Variants in BOD1L1 observed in about 807,000 individuals in gnomAD.
The protein encoded by BOD1L1 is biorientation of chromosomes in cell division protein 1-like 1.
BOD1L1 carries 86 observed loss-of-function variants against 240.7 expected under a neutral mutation model. That is an observed-to-expected ratio of 0.36 (90% confidence interval 0.30 to 0.43). The LOEUF is 0.43. BOD1L1 is among the 20% of genes least tolerant of loss of function. The pLI, the probability that BOD1L1 is intolerant of heterozygous loss-of-function variation, is 1.00. For missense variants in BOD1L1, 3,554 were observed against 3,643.5 expected (o/e 0.98, Z 0.63); for synonymous variants, 1,268 against 1,272.3 (o/e 1.00, Z 0.07).
Position 13,604,621 on chromosome 4 carries a change from T to A in BOD1L1, c.2279A>T (p.His760Leu). 1 of 1,577,150 alleles carries A rather than the reference T, an allele frequency of 6.3e-7. No individual in the cohort carries two copies. The highest frequency in any genetic ancestry group is 1.7e-4 in the Middle Eastern group (1 of 5,850). Residue 760 changes from histidine to leucine, a missense_variant, in exon 10 of 26, where the codon CAC becomes CTC. Around this residue, in one of 2 missense-constraint regions of BOD1L1, gnomAD observed 3,393 missense variants for 3,427.1 expected, o/e 0.99. Transcript: ENST00000040738. ...TACTTTTAAACCTTTCTCAGAAGAG[T>A]GAAGCTCAGTCTCATCACCTGTTTT... is the stretch of plus-strand genomic sequence containing the variant. ...MHKTGDETEL[H>L]SSEKGLKVEE...
At position 13,590,377 on chromosome 4, in the gene BOD1L1, T is replaced by C; in HGVS notation, c.8209+9A>G. On this transcript the variant is annotated intron_variant, in intron 14 of 25. Transcript: ENST00000040738. ...ATTAAAACTATAACTATGAAATTCA[T>C]TAACTTACCTCCTTTGTTATAAGAT... is the stretch of plus-strand genomic sequence containing the variant. The C allele has an allele frequency of 1.4e-6, 2 of 1,444,102 alleles. No individual in the cohort carries two copies. The highest frequency in any genetic ancestry group is 1.9e-6 in the Non-Finnish European group (2 of 1,053,496). The allele number at this position is 1,444,102 out of a possible 1,614,324, so 89.5% of individuals were successfully genotyped here.
At chr4:13,591,788 A>T (rs1714240022) in intron 13 of BOD1L1, 135 bp downstream of exon 13, 1 of 615,468 alleles carries the variant, frequency 1.6e-6, no homozygotes, top group Non-Finnish European at 2.8e-6. Context: ...TGAAGAGTAC[A>T]CTACCAAATG....
In BOD1L1 at chr4:13,588,774, T is replaced by C. The variant is rs1713936237; in HGVS notation, c.8228A>G (p.Lys2743Arg). The stretch of plus-strand genomic sequence containing the variant: ...ACCGCTTATGGCTTCTGCGTTGTCT[T>C]TTCTACCACTGGATATCTCTGAGTA... ...YNKGEISSGRKDNAEAISGHS... is the reference protein window; with the variant it reads ...YNKGEISSGRRDNAEAISGHS... The change falls in exon 15 of 26, where the codon AAA becomes AGA. Residue 2743 changes from lysine to arginine, a missense_variant. By Grantham distance (26) the Lys-to-Arg change is conservative. Around this residue, in one of 2 missense-constraint regions of BOD1L1, gnomAD observed 3,393 missense variants for 3,427.1 expected, o/e 0.99. Transcript: ENST00000040738. The C allele has an allele frequency of 3.1e-6, 5 of 1,601,888 alleles. No individual in the cohort carries two copies. In the South Asian group the frequency reaches 3.4e-5, roughly 11 times the overall value.
intron 2 of BOD1L1, 52 bp from the exon 3 acceptor site, chr4:13,615,554 A>T: frequency 1.4e-6 from 2 of 1,454,374 alleles, no homozygotes; most frequent in Non-Finnish European, 1.9e-6. Flanking sequence ...TATTATTTGC[A>T]TTAATTACTT....
At chr4:13,616,071 G>A (rs1716571974) in intron 2 of BOD1L1, among the ~76,000 whole-genome samples, 1 of 152,112 alleles carries the variant, frequency 6.6e-6, no homozygotes, top group Admixed American at 6.5e-5. Flanking sequence ...TTATCTTCCC[G>A]CTGTAAAAAC....
chr4:13,597,709 AAC>A (rs1267076189), intron 10 of BOD1L1, among the ~76,000 whole-genome samples: 3 of 152,196 alleles, frequency 2.0e-5, no homozygotes, highest in Non-Finnish European at 1.5e-5. Context: ...CTTCTGTGGA[AAC>A]CCTTCTATTT....
In BOD1L1 at chr4:13,604,496, A is replaced by G; in HGVS notation, c.2404T>C (p.Leu802=). 6.5e-7 allele frequency: 1 copy of G among 1,533,800 alleles called. No individual in the cohort carries two copies. The highest frequency in any genetic ancestry group is 1.7e-4 in the Middle Eastern group (1 of 5,716). The change falls in exon 10 of 26, where the codon TTA becomes CTA. Residue 802 remains leucine (L), a synonymous_variant. Coordinates refer to ENST00000040738, the MANE Select transcript of BOD1L1 (RefSeq NM_148894.3). The part of the protein sequence containing the change: ...KHRNERKLSV[L]GKDGKPVSEY... ...GAAACTGGCTTTCCATCTTTGCCTA[A>G]TACTGATAATTTCCTTTCATTCCTA...
chr4:13,604,641 T>A lies in BOD1L1; in HGVS notation c.2259A>T (p.Thr753=). 6.3e-7 allele frequency: 1 copy of A among 1,578,510 alleles called. No individual in the cohort carries two copies. Among genetic ancestry groups the A allele is most frequent in the Non-Finnish European group, 8.5e-7 (1 of 1,169,760 alleles). ...AAGAGTGAAGCTCAGTCTCATCACC[T>A]GTTTTATGCATACAATCACCTTTAT... ...HKYKGDCMHK[T]GDETELHSSE... The change falls in exon 10 of 26, where the codon ACA becomes ACT. Residue 753 remains threonine, a synonymous_variant. Transcript: ENST00000040738.
At position 13,582,226 on chromosome 4, in the gene BOD1L1, G is replaced by A; in HGVS notation, c.8592+11C>T. The A allele has an allele frequency of 2.5e-6, 4 of 1,603,552 alleles. No individual in the cohort carries two copies. The highest frequency in any genetic ancestry group is 1.7e-4 in the Middle Eastern group (1 of 6,026). Reference sequence around the variant, plus strand: ...AATTGTGAACAAACAAATACGAAAAGCACATCTCACCTCCTGAGATTTTAT... The same window carrying A: ...AATTGTGAACAAACAAATACGAAAAACACATCTCACCTCCTGAGATTTTAT... On this transcript the variant is annotated intron_variant, in intron 19 of 25. Transcript: ENST00000040738.
chr4:13,591,929 T>A lies in BOD1L1; in HGVS notation c.8142A>T (p.Ser2714=). 6.4e-7 allele frequency: 1 copy of A among 1,562,666 alleles called. No individual in the cohort carries two copies. The highest frequency in any genetic ancestry group is 2.0e-5 in the Admixed American group (1 of 51,250). Residue 2714 remains serine (S), a synonymous_variant, in exon 13 of 26, where the codon TCA becomes TCT. Transcript: ENST00000040738. Reference sequence around the variant, plus strand: ...AACCATTACAGTGACTTACATTTAGTGATTCATTCACCAACAAAGGCTCCC... The same window carrying A: ...AACCATTACAGTGACTTACATTTAGAGATTCATTCACCAACAAAGGCTCCC... The part of the protein sequence containing the change: ...LQREPLLVNE[S]LNVENSGFRT...
rs531946645 is a variant in BOD1L1, at chr4:13,602,607, C to A, written c.4293G>T (p.Glu1431Asp). ...CAGCAATGCCATCCTTCTTGCCATT[C>A]TCTACTGTTGCTTTAATTGTCTGCT... ...NLKQTIKATV[E>D]NGKKDGIAVD... Residue 1431 changes from glutamate (E) to aspartate (D), a missense_variant, in exon 10 of 26, where the codon GAG (glutamate) becomes GAT (aspartate). By Grantham distance (45) the Glu-to-Asp change is conservative. This residue lies in a region of BOD1L1 where 3,393 missense variants were observed against 3,427.1 expected (regional missense o/e 0.99). Transcript: ENST00000040738. 37 of 1,614,034 alleles carry A rather than the reference C, an allele frequency of 2.3e-5. No individual in the cohort carries two copies. In the South Asian group the frequency reaches 4.0e-4, roughly 17 times the overall value.
In BOD1L1 at chr4:13,579,925, T is replaced by C; in HGVS notation, c.8749+3A>G. 1 of 1,560,936 alleles carries C rather than the reference T, an allele frequency of 6.4e-7. No individual in the cohort carries two copies. Among genetic ancestry groups the C allele is most frequent in the Non-Finnish European group, 8.7e-7 (1 of 1,151,112 alleles). ...CACACAGAGGAATGCGGTAGGTACA[T>C]ACCTGTTTGCATTACTTTCAGTTTG... On this transcript the variant is annotated splice_donor_region_variant and intron_variant, in intron 22 of 25. Transcript: ENST00000040738.
intron 5 of BOD1L1, among the ~76,000 whole-genome samples, chr4:13,612,436 C>G (rs1273409062): frequency 5.3e-5 from 8 of 152,164 alleles, no homozygotes; most frequent in Admixed American, 5.2e-4. Flanking sequence ...GAAATCTGCA[C>G]TGGTGCTCAC....
chr4:13,573,064 A>G (rs1280130769), intron 25 of BOD1L1, among the ~76,000 whole-genome samples: 1 of 152,142 alleles, frequency 6.6e-6, no homozygotes, highest in African/African-American at 2.4e-5. Context: ...TGTGCATGAT[A>G]TTTTATTGTG....
Position 13,614,216 on chromosome 4 carries a change from G to A in BOD1L1, c.1154C>T (p.Thr385Ile). 1.3e-6 allele frequency: 2 copies of A among 1,517,344 alleles called. No individual in the cohort carries two copies. The highest frequency in any genetic ancestry group is 8.8e-7 in the Non-Finnish European group (1 of 1,136,838). The allele number at this position is 1,517,344 out of a possible 1,614,324, so 94.0% of individuals were successfully genotyped here. Residue 385 changes from threonine to isoleucine, a missense_variant, in exon 4 of 26, where the codon ACT (threonine) becomes ATT (isoleucine). Transcript: ENST00000040738. ...TATACCTTCTTTTGTCCCTTCAACA[G>A]TTTTAGCTTTATTACTGTTCTTTTC... is the stretch of plus-strand genomic sequence containing the variant. ...PSEKNSNKAK[T>I]VEGTKEDFSL...
intron 22 of BOD1L1, among the ~76,000 whole-genome samples, chr4:13,579,166 T>C (rs901841058): frequency 3.3e-5 from 5 of 152,348 alleles, no homozygotes; most frequent in Non-Finnish European, 7.3e-5. Flanking sequence ...AAAATGGTCA[T>C]CATTTTACCC....
intron 6 of BOD1L1, among the ~76,000 whole-genome samples, chr4:13,610,056 T>C (rs531222953): frequency 6.6e-6 from 1 of 152,332 alleles, no homozygotes; most frequent in South Asian, 2.1e-4. Context: ...TAATCACTAC[T>C]AGCATTTTGG....
Position 13,602,057 on chromosome 4 carries a change from T to G in BOD1L1, c.4843A>C (p.Ser1615Arg), listed in dbSNP as rs377361757. ...TFLTSTKEGE[S>R]GECAVAESED... ...GATTCAGCCACAGCACACTCCCCAC[T>G]TTCCCCTTCCTTAGTGCTTGTGAGG... The change falls in exon 10 of 26, where the codon AGT becomes CGT. Residue 1615 changes from serine (S) to arginine (R), a missense_variant. Physicochemically the swap from Ser to Arg is moderately radical, Grantham distance 110. Coordinates refer to ENST00000040738, the MANE Select transcript of BOD1L1 (RefSeq NM_148894.3). The G allele has an allele frequency of 1.9e-5, 31 of 1,614,012 alleles. No individual in the cohort carries two copies. The African/African-American group carries it at 4.0e-4, about 21-fold the overall frequency.
At chr4:13,573,402 G>A (rs1712373432) in intron 25 of BOD1L1, among the ~76,000 whole-genome samples, 1 of 151,902 alleles carries the variant, frequency 6.6e-6, no homozygotes, top group Admixed American at 6.6e-5. Flanking sequence ...TTGGTATACA[G>A]AGTTTGCTTC....
Sources: gnomAD v4.1 joint callset for allele counts (sites outside exome capture counted in the v4.1 genomes callset) on GRCh38, gnomAD v4.1.1 for gene constraint, gnomAD v4.1.1 regional missense constraint, MANE v1.5 for transcripts, NCBI Gene and HGNC (gene_info 2026-07-23, HGNC 2026-07-21) for gene names.